DYNC2H1: variants seen among roughly 807,000 people sequenced by gnomAD.
The protein encoded by DYNC2H1 is cytoplasmic dynein 2 heavy chain 1.
A neutral mutation model predicts 570.0 loss-of-function variants in DYNC2H1; 410 were observed. The observed-to-expected ratio is 0.72, with a 90% confidence interval of 0.66 to 0.78. DYNC2H1 has a LOEUF of 0.78. DYNC2H1 is among the 30% of genes least tolerant of loss of function. The pLI is 0.00. For missense variants in DYNC2H1, 4,865 were observed against 5,046.4 expected (o/e 0.96, Z 1.09); for synonymous variants, 1,688 against 1,677.6 (o/e 1.01, Z -0.15).
Position 103,204,881 on chromosome 11 carries a change from A to G in DYNC2H1, c.8371A>G (p.Ile2791Val), listed in dbSNP as rs765023419. 8 of 1,591,950 alleles carry G rather than the reference A, an allele frequency of 5.0e-6. No homozygotes were observed. The Admixed American group carries it at 1.4e-4, about 28-fold the overall frequency. Reference protein sequence around the residue: ...IMDSANSNFMINCESNPALHK... With the variant: ...IMDSANSNFMVNCESNPALHK... ...GGATTCTGCAAATTCAAACTTCATGATAAACTGTGAGAGTAATCCAGCTTT... is the reference window on the plus strand; with the variant it reads ...GGATTCTGCAAATTCAAACTTCATGGTAAACTGTGAGAGTAATCCAGCTTT... The change falls in exon 52 of 89, where the codon ATA (isoleucine) becomes GTA (valine). Residue 2791 changes from isoleucine to valine, a missense_variant. Ile to Val is a conservative substitution (Grantham distance 29). This residue lies in a region of DYNC2H1 where 2,401 missense variants were observed against 2,454.6 expected (regional missense o/e 0.98). Transcript: ENST00000375735. The surrounding 1 kb of genome is among the most constrained non-coding windows in gnomAD (Gnocchi z 4.1).
chr11:103,161,811 G>C (rs1169275194), intron 29 of DYNC2H1, among the ~76,000 whole-genome samples: 1 of 152,078 alleles, frequency 6.6e-6, no homozygotes, highest in South Asian at 2.1e-4. Context: ...CTGATCAAAG[G>C]CCTATTATAG....
Position 103,243,805 on chromosome 11 carries a change from A to T in DYNC2H1, c.9918+14A>T. ...ATCAATCAGCAGGTATGTATTATTT[A>T]TAATTTACATACCAATTAGGAATGA... On this transcript the variant is annotated intron_variant, in intron 64 of 88. Transcript: ENST00000375735. This position sits in a 1 kb window ranked among gnomAD's most constrained non-coding sequence, Gnocchi z 4.8. 6.5e-7 allele frequency: 1 copy of T among 1,534,202 alleles called. No individual in the cohort carries two copies. The highest frequency in any genetic ancestry group is 8.9e-7 in the Non-Finnish European group (1 of 1,129,040).
chr11:103,187,820 C>G (rs1399003457), intron 43 of DYNC2H1, among the ~76,000 whole-genome samples: 1 of 152,070 alleles, frequency 6.6e-6, no homozygotes, highest in Non-Finnish European at 1.5e-5. Context: ...ACAGCCTTCA[C>G]TCTACATCTA....
rs758529060 is a variant in DYNC2H1 at position 103,185,786 on chromosome 11, A to G, written c.6634-456A>G. ...AAGTTCCGAATAAATGTATTGAAGA[A>G]TAGTATTAAGGGCTAACTCTGCTTT... is the stretch of plus-strand genomic sequence containing the variant. On this transcript the variant is annotated intron_variant, in intron 41 of 88. Coordinates refer to ENST00000375735, the MANE Select transcript of DYNC2H1 (RefSeq NM_001377.3). This position sits in a 1 kb window ranked among gnomAD's most constrained non-coding sequence, Gnocchi z 4.5. 5.2e-4 allele frequency among the ~76,000 whole-genome samples: 79 copies of G among 152,066 alleles called. No individual in the cohort carries two copies. Among genetic ancestry groups the G allele is most frequent in the Middle Eastern group, 6.8e-3 (2 of 294 alleles).
intron 18 of DYNC2H1, 34 bp downstream of exon 18, chr11:103,143,429 A>C: frequency 6.4e-7 from 1 of 1,552,188 alleles, no homozygotes; most frequent in Admixed American, 2.0e-5. Flanking sequence ...TACGTACCAT[A>C]ATAATTTTTT....
At position 103,479,319 on chromosome 11, in the gene DYNC2H1, CAT is replaced by C. The variant is rs1236896918; in HGVS notation, c.*67_*68del. On this transcript the variant is annotated 3_prime_UTR_variant, in exon 89 of 89. Coordinates refer to ENST00000375735, the MANE Select transcript of DYNC2H1 (RefSeq NM_001377.3). ...TTGATTCTTTAAGCTTTAAATCAAA[CAT>C]GTGGTCAGTCTACATTTGAAATGTT... is the stretch of plus-strand genomic sequence containing the variant. 1.2e-5 allele frequency: 18 copies of C among 1,531,888 alleles called. No individual in the cohort carries two copies. The highest frequency in any genetic ancestry group is 2.7e-5 in the African/African-American group (2 of 73,062). 94.9% of individuals were successfully genotyped at this position (1,531,888 alleles called of 1,614,324 possible).
At chr11:103,281,516 T>C (rs1147077) in intron 71 of DYNC2H1, among the ~76,000 whole-genome samples, 64,481 of 151,574 alleles carry the variant, frequency 0.43, 14,356 homozygotes, top group African/African-American at 0.55. Context: ...CCAGGGTGAG[T>C]GAAGCCAGAA....
chr11:103,413,117 AATTCACATCCAAAAAGGC>A (rs1943148880), intron 84 of DYNC2H1, among the ~76,000 whole-genome samples: 1 of 152,216 alleles, frequency 6.6e-6, no homozygotes, highest in East Asian at 1.9e-4. Context: ...CTGCAGTCAG[AATTCACATCCAAAAAGGC>A]AGTACCTGCC....
rs1190328775 is a variant in DYNC2H1, at chr11:103,234,610, C to T, written c.9567+450C>T. On this transcript the variant is annotated intron_variant, in intron 61 of 88. Transcript: ENST00000375735. ...AGCTTCCTTTCCTTTCCTGATCCTC[C>T]TCATCTGCTCATCCAGTAATGTTGA... 2.6e-5 allele frequency among the ~76,000 whole-genome samples: 4 copies of T among 151,970 alleles called. No homozygotes were observed. The South Asian group carries it at 6.2e-4, about 24-fold the overall frequency.
chr11:103,468,545 C>T (rs772092312), intron 87 of DYNC2H1, 44 bp from the exon 88 acceptor site: 22 of 1,418,568 alleles, frequency 1.6e-5, no homozygotes, highest in African/African-American at 9.8e-5. Flanking sequence ...CTGACATTTG[C>T]GACTTTAATG....
rs750238235 is a variant in DYNC2H1 at position 103,173,129 on chromosome 11, T to C, written c.5382T>C (p.Ala1794=). 3.3e-6 allele frequency: 5 copies of C among 1,501,644 alleles called. No individual in the cohort carries two copies. The South Asian group carries it at 7.0e-5, about 21-fold the overall frequency. The allele number at this position is 1,501,644 out of a possible 1,614,324, so 93.0% of individuals were successfully genotyped here. The change falls in exon 35 of 89, where the codon GCT becomes GCC. Residue 1794 remains alanine, a synonymous_variant. Coordinates refer to ENST00000375735, the MANE Select transcript of DYNC2H1 (RefSeq NM_001377.3). ...NSGIFITMNP[A]GKGYGGRQKL... The stretch of plus-strand genomic sequence containing the variant: ...GAATTTTTATCACTATGAATCCTGC[T>C]GGAAAAGGTTATGGAGGAAGACAAA...
chr11:103,211,454 G>T (rs1188181868), intron 53 of DYNC2H1, among the ~76,000 whole-genome samples: 2 of 151,880 alleles, frequency 1.3e-5, no homozygotes, highest in Admixed American at 1.3e-4. Context: ...CTCACTTTTG[G>T]ATTACTGTAC....
At chr11:103,225,828 A>G (rs1863779183) in intron 59 of DYNC2H1, among the ~76,000 whole-genome samples, 1 of 152,176 alleles carries the variant, frequency 6.6e-6, no homozygotes, top group South Asian at 2.1e-4. Flanking sequence ...TTGAGTTTGT[A>G]GATTGCTTTT....
At chr11:103,253,228 T>G in intron 65 of DYNC2H1, 57 bp from the exon 66 acceptor site, 1 of 1,501,150 alleles carries the variant, frequency 6.7e-7, no homozygotes, top group Non-Finnish European at 9.0e-7. Context: ...TTTTCAAATA[T>G]TGTATAGTGA....
intron 73 of DYNC2H1, 37 bp downstream of exon 73, chr11:103,283,122 T>G: frequency 6.6e-7 from 1 of 1,520,466 alleles, no homozygotes; most frequent in Non-Finnish European, 9.0e-7. Flanking sequence ...TTTTAATTTC[T>G]TCTGTATTTG....
chr11:103,274,122 TTG>T (rs202241349), intron 70 of DYNC2H1, among the ~76,000 whole-genome samples: 2 of 148,450 alleles, frequency 1.3e-5, no homozygotes, highest in Non-Finnish European at 3.0e-5. Flanking sequence ...GTACATTTGT[TTG>T]TGTGTGTGTG....
intron 31 of DYNC2H1, among the ~76,000 whole-genome samples, chr11:103,167,003 T>TA (rs1364071074): frequency 3.6e-4 from 53 of 148,028 alleles, no homozygotes; most frequent in African/African-American, 1.3e-3. Flanking sequence ...TTTTTTTTTT[T>TA]TTTTTTTTGA....
intron 70 of DYNC2H1, among the ~76,000 whole-genome samples, chr11:103,272,905 G>A (rs1163568969): frequency 2.0e-5 from 3 of 151,890 alleles, no homozygotes; most frequent in African/African-American, 7.3e-5. Flanking sequence ...GATTTTGCTT[G>A]TTATATATCC....
chr11:103,156,302 A>G, intron 25 of DYNC2H1, 86 bp from the exon 26 acceptor site: 1 of 1,325,666 alleles, frequency 7.5e-7, no homozygotes. Context: ...CAGATAAAAT[A>G]TATTTTTCAT....
Sources: allele counts gnomAD v4.1 joint callset (sites outside exome capture counted in the v4.1 genomes callset), GRCh38; gene constraint gnomAD v4.1.1; regional missense constraint gnomAD v4.1.1; non-coding constraint Gnocchi (gnomAD v3.1); transcripts MANE v1.5; gene names NCBI Gene and HGNC (gene_info 2026-07-23, HGNC 2026-07-21).